CDH18: variants seen among roughly 807,000 people sequenced by gnomAD.
CDH18 encodes cadherin 18.
CDH18 carries 31 observed loss-of-function variants against 67.9 expected under a neutral mutation model. That is an observed-to-expected ratio of 0.46 (90% CI 0.34 to 0.62). The LOEUF (loss-of-function observed/expected upper bound fraction) is 0.62, where lower values mean the gene tolerates loss of function less well. CDH18 is among the 20% of genes least tolerant of loss of function. The pLI is 0.01. For missense variants in CDH18, 890 were observed against 975.5 expected, an observed-to-expected ratio of 0.91 and a Z score of 1.17; for synonymous variants, 362 against 347.2, an observed-to-expected ratio of 1.04 and a Z score of -0.48.
At chr5:19,907,755 T>C (rs1383012510) in intron 2 of CDH18, among the ~76,000 whole-genome samples, 3 of 152,088 alleles carry the variant, frequency 2.0e-5, no homozygotes, top group Non-Finnish European at 1.5e-5. Context: ...TTAATTTCTA[T>C]AAAATATTAT....
chr5:20,159,759 C>G lies in CDH18; in HGVS notation c.-518+95685G>C, dbSNP rs192068412. ...CGGTCTTTAAGCATAAATTTTATTACTTAATCGGCAAGCTGCTTTATTATA... is the reference window on the plus strand; with the variant it reads ...CGGTCTTTAAGCATAAATTTTATTAGTTAATCGGCAAGCTGCTTTATTATA... On this transcript the variant is annotated intron_variant, in intron 2 of 14. Coordinates refer to the CDH18 transcript ENST00000507958. Among the ~76,000 whole-genome samples the G allele has an allele frequency of 1.5e-3, 230 of 152,228 alleles. 1 individual carries two copies. Among genetic ancestry groups the G allele is most frequent in the African/African-American group, 5.3e-3 (221 of 41,570 alleles).
At chr5:19,958,169 C>A (rs1579800030) in intron 2 of CDH18, among the ~76,000 whole-genome samples, 1 of 151,668 alleles carries the variant, frequency 6.6e-6, no homozygotes, top group Non-Finnish European at 1.5e-5. Flanking sequence ...GTGAACGAAG[C>A]CTTATGTTGA....
intron 2 of CDH18, among the ~76,000 whole-genome samples, chr5:20,193,063 C>T (rs949285583): frequency 1.3e-5 from 2 of 152,172 alleles, no homozygotes; most frequent in East Asian, 1.9e-4. Flanking sequence ...AGAGGTCATT[C>T]ACATCTGTTG....
intron 2 of CDH18, among the ~76,000 whole-genome samples, chr5:20,216,562 C>T (rs572488881): frequency 1.3e-5 from 2 of 152,004 alleles, no homozygotes; most frequent in African/African-American, 4.8e-5. Context: ...TATATGCCCC[C>T]ATGAATTTCT....
intron 5 of CDH18, among the ~76,000 whole-genome samples, chr5:19,634,943 AAAAAAAAAAGAAAG>A (rs1327167713): frequency 6.6e-6 from 1 of 151,868 alleles, no homozygotes; most frequent in African/African-American, 2.4e-5. Context: ...ATCTCAAAAA[AAAAAAAAAAGAAAG>A]AAAAAAAAGA....
At chr5:19,562,075 G>A (rs981394184) in intron 8 of CDH18, among the ~76,000 whole-genome samples, 1 of 152,136 alleles carries the variant, frequency 6.6e-6, no homozygotes, top group Non-Finnish European at 1.5e-5. Flanking sequence ...CACAATGGCT[G>A]AGTGTTTTTG....
chr5:19,754,354 A>G (rs2149680085), intron 3 of CDH18, among the ~76,000 whole-genome samples: 1 of 152,352 alleles, frequency 6.6e-6, no homozygotes, highest in Admixed American at 6.5e-5. Context: ...AGGAAGCAGG[A>G]GTAGCTATTC....
chr5:20,523,729 G>A lies in CDH18; in HGVS notation c.-580+51733C>T, dbSNP rs565781174. On this transcript the variant is annotated intron_variant, in intron 1 of 14. Coordinates refer to the CDH18 transcript ENST00000507958. ...TAATTTTTGTATTTTTAGTAGAGAT[G>A]GCATTTCACCATATTGGCCAGGCTG... 3.6e-4 allele frequency among the ~76,000 whole-genome samples: 55 copies of A among 152,104 alleles called. 1 individual carries two copies. The highest frequency in any genetic ancestry group is 1.3e-3 in the African/African-American group (54 of 41,532).
intron 2 of CDH18, among the ~76,000 whole-genome samples, chr5:20,225,718 T>C (rs1580522826): frequency 6.6e-6 from 1 of 152,078 alleles, no homozygotes; most frequent in African/African-American, 2.4e-5. Context: ...AAGTACTTTG[T>C]ATGGAAAAAA....
intron 5 of CDH18, among the ~76,000 whole-genome samples, chr5:19,678,084 A>G (rs942122865): frequency 6.6e-6 from 1 of 151,990 alleles, no homozygotes; most frequent in African/African-American, 2.4e-5. Flanking sequence ...GAAAATTAAC[A>G]AAGATATTTG....
chr5:19,550,359 C>G (rs1580155159), intron 8 of CDH18, among the ~76,000 whole-genome samples: 1 of 152,074 alleles, frequency 6.6e-6, no homozygotes, highest in South Asian at 2.1e-4. Context: ...GTGTGCTGCA[C>G]CCATTAACTC....
intron 1 of CDH18, among the ~76,000 whole-genome samples, chr5:20,259,453 C>A (rs1210543113): frequency 6.6e-6 from 1 of 152,124 alleles, no homozygotes; most frequent in Non-Finnish European, 1.5e-5. Context: ...AAGACCAACT[C>A]TTCCTTTTCC....
intron 2 of CDH18, among the ~76,000 whole-genome samples, chr5:20,172,223 T>TACGTATATATATATATACGTATATATAC (rs1554098639): frequency 2.3e-5 from 1 of 43,922 alleles, no homozygotes; most frequent in African/African-American, 1.1e-4. Context: ...TATATATATA[T>TACGTATATATATATATACGTATATATAC]GTATATATAT....
At chr5:20,044,906 AT>A (rs1740777568) in intron 2 of CDH18, among the ~76,000 whole-genome samples, 1 of 151,938 alleles carries the variant, frequency 6.6e-6, no homozygotes, top group Non-Finnish European at 1.5e-5. Context: ...CATGATCTTT[AT>A]TTTTTTACTA....
At chr5:20,435,180 C>T (rs1328018948) in intron 1 of CDH18, among the ~76,000 whole-genome samples, 4 of 151,904 alleles carry the variant, frequency 2.6e-5, no homozygotes, top group South Asian at 2.1e-4. Flanking sequence ...AAGAAAAAGG[C>T]GTTTTGCCTC....
At chr5:20,443,668 C>T (rs1177141017) in intron 1 of CDH18, among the ~76,000 whole-genome samples, 3 of 151,848 alleles carry the variant, frequency 2.0e-5, no homozygotes, top group Non-Finnish European at 4.4e-5. Flanking sequence ...TATGCCCCTT[C>T]TTAGCTTAGT....
chr5:19,766,899 C>T (rs1055464557), intron 3 of CDH18, among the ~76,000 whole-genome samples: 4 of 152,144 alleles, frequency 2.6e-5, no homozygotes, highest in African/African-American at 9.7e-5. Context: ...CCCTATTATA[C>T]TATCTTTTCT....
chr5:19,653,470 C>T (rs578114418), intron 5 of CDH18, among the ~76,000 whole-genome samples: 1 of 152,156 alleles, frequency 6.6e-6, no homozygotes, highest in African/African-American at 2.4e-5. Context: ...TCTCAGGTAC[C>T]ATTTTTGTGG....
intron 1 of CDH18, among the ~76,000 whole-genome samples, chr5:20,339,246 C>A (rs1413539521): frequency 3.3e-5 from 5 of 152,140 alleles, no homozygotes; most frequent in African/African-American, 4.8e-5. Context: ...TACTTATATT[C>A]TTTTGCACAA....
Sources: allele counts gnomAD v4.1 joint callset (sites outside exome capture counted in the v4.1 genomes callset), GRCh38; gene constraint gnomAD v4.1.1; transcripts MANE v1.5; gene names NCBI Gene and HGNC (gene_info 2026-07-23, HGNC 2026-07-21).